The following GALNT14 variants were observed in gnomAD, a reference collection of about 807,000 sequenced individuals.
GALNT14 encodes the protein polypeptide N-acetylgalactosaminyltransferase 14, also known as UDP-GalNAc:polypeptide N-acetylgalactosaminyltransferase 14.
GALNT14 carries 60 observed loss-of-function variants against 77.5 expected under a neutral mutation model. That is an observed-to-expected ratio of 0.77 (90% CI 0.63 to 0.96). GALNT14 has a LOEUF of 0.96. Among genes scored for constraint, GALNT14 ranks in the 40% least tolerant of loss-of-function variants. The probability of loss-of-function intolerance (pLI) is 0.00; values close to 1 mark genes in which losing one functional copy is unlikely to be tolerated. For synonymous variants in GALNT14, 280 were observed against 281.7 expected (o/e 0.99, Z 0.06); for missense variants, 710 against 731.0 (o/e 0.97, Z 0.33).
At chr2:31,031,704 A>G (rs1672424994) in intron 1 of GALNT14, among the ~76,000 whole-genome samples, 1 of 152,184 alleles carries the variant, frequency 6.6e-6, no homozygotes, top group South Asian at 2.1e-4. Flanking sequence ...AAGAGCCTTT[A>G]AGTGCTCTGC....
At chr2:31,105,436 G>A (rs997303966) in intron 1 of GALNT14, among the ~76,000 whole-genome samples, 3 of 152,112 alleles carry the variant, frequency 2.0e-5, no homozygotes, top group Non-Finnish European at 2.9e-5. Flanking sequence ...GTAACTTGCA[G>A]TGTAGGGCAC....
At chr2:31,058,508 T>A (rs570747870) in intron 1 of GALNT14, among the ~76,000 whole-genome samples, 1 of 152,194 alleles carries the variant, frequency 6.6e-6, no homozygotes, top group East Asian at 1.9e-4. Flanking sequence ...GGTCTTTGGG[T>A]GGACTAAGGA....
intron 1 of GALNT14, among the ~76,000 whole-genome samples, chr2:30,995,659 A>AT (rs1669985961): frequency 1.3e-5 from 2 of 151,918 alleles, no homozygotes; most frequent in South Asian, 4.2e-4. Flanking sequence ...TGCCCAGCTC[A>AT]TTTTTTTACG....
chr2:30,902,823 A>G, the GALNT14 span, among the ~76,000 whole-genome samples: 1 of 152,188 alleles, frequency 6.6e-6, no homozygotes, highest in Non-Finnish European at 1.5e-5. Context: ...TGAGGGCGAC[A>G]GAGGACAGAT....
chr2:30,989,370 C>CTGG (rs1052857854), intron 2 of GALNT14, among the ~76,000 whole-genome samples: 2 of 151,608 alleles, frequency 1.3e-5, no homozygotes, highest in Admixed American at 6.6e-5. Flanking sequence ...ATGCTCTTTC[C>CTGG]TGGTACTTGG....
chr2:31,009,022 A>T (rs1670853068), intron 1 of GALNT14, among the ~76,000 whole-genome samples: 1 of 152,162 alleles, frequency 6.6e-6, no homozygotes, highest in African/African-American at 2.4e-5. Flanking sequence ...AACAAAATCA[A>T]TGCCCCGGGC....
chr2:31,056,012 G>A (rs1159243718), intron 1 of GALNT14, among the ~76,000 whole-genome samples: 2 of 152,148 alleles, frequency 1.3e-5, no homozygotes, highest in Admixed American at 6.5e-5. Context: ...TTCAAACTTC[G>A]AGTCAAATTA....
chr2:31,123,050 C>T (rs1291623258), intron 1 of GALNT14, among the ~76,000 whole-genome samples: 2 of 151,906 alleles, frequency 1.3e-5, no homozygotes, highest in African/African-American at 4.8e-5. Context: ...GGCGGGGTGA[C>T]GGGCACCTGT....
chr2:31,030,974 GC>G (rs1487270592), intron 1 of GALNT14, among the ~76,000 whole-genome samples: 2 of 152,196 alleles, frequency 1.3e-5, no homozygotes, highest in African/African-American at 4.8e-5. Flanking sequence ...AGGCCAGAAA[GC>G]CATTAATATT....
intron 13 of GALNT14, among the ~76,000 whole-genome samples, chr2:30,917,463 G>A (rs1266703875): frequency 2.0e-5 from 3 of 152,162 alleles, no homozygotes; most frequent in African/African-American, 7.2e-5. Context: ...TCTGAACCAT[G>A]CCCTGGCATT....
chr2:30,981,102 C>G (rs1392273569), intron 2 of GALNT14, among the ~76,000 whole-genome samples: 1 of 152,244 alleles, frequency 6.6e-6, no homozygotes, highest in Non-Finnish European at 1.5e-5. Context: ...GGTTCATCCT[C>G]TCCTGTAGGA....
At chr2:30,981,830 A>C (rs1669006092) in intron 2 of GALNT14, among the ~76,000 whole-genome samples, 1 of 152,214 alleles carries the variant, frequency 6.6e-6, no homozygotes, top group Non-Finnish European at 1.5e-5. Context: ...CTCTCATGTT[A>C]CGTGGGAGGA....
intron 2 of GALNT14, among the ~76,000 whole-genome samples, chr2:30,992,461 C>T (rs1669764177): frequency 6.6e-6 from 1 of 152,188 alleles, no homozygotes; most frequent in South Asian, 2.1e-4. Flanking sequence ...AATCATCCTG[C>T]CTTCCCCTAC....
intron 1 of GALNT14, among the ~76,000 whole-genome samples, chr2:30,995,911 G>A (rs530697103): frequency 1.2e-4 from 18 of 152,350 alleles, no homozygotes; most frequent in African/African-American, 4.1e-4. Context: ...CCCAGGATCT[G>A]TGGTGCTGGA....
rs148577454 is a variant in GALNT14 at position 31,094,918 on chromosome 2, C to T, written c.129+43040G>A. 6.3e-3 allele frequency among the ~76,000 whole-genome samples: 963 copies of T among 152,236 alleles called. 11 individuals are homozygous for T. The highest frequency in any genetic ancestry group is 0.02 in the African/African-American group (836 of 41,532). ...CCTCTATCCAATGAACAGATTGGAC[C>T]AGGAGCCAGGTCACAGCCACAAGAT... On this transcript the variant is annotated intron_variant, in intron 1 of 14. Transcript: ENST00000349752.
chr2:31,057,790 C>G (rs1674332323), intron 1 of GALNT14, among the ~76,000 whole-genome samples: 1 of 152,138 alleles, frequency 6.6e-6, no homozygotes, highest in Non-Finnish European at 1.5e-5. Flanking sequence ...CTTTTCCACC[C>G]CGCCCTGAGC....
At chr2:31,060,471 G>A (rs954397726) in intron 1 of GALNT14, among the ~76,000 whole-genome samples, 1 of 152,150 alleles carries the variant, frequency 6.6e-6, no homozygotes, top group Non-Finnish European at 1.5e-5. Context: ...AGCTTAATAG[G>A]GGAAGGCAAT....
intron 1 of GALNT14, among the ~76,000 whole-genome samples, chr2:31,030,343 A>C (rs1191336443): frequency 6.6e-6 from 1 of 152,184 alleles, no homozygotes; most frequent in Non-Finnish European, 1.5e-5. Context: ...TGGATGGAAA[A>C]AAAAATCAAG....
intron 2 of GALNT14, among the ~76,000 whole-genome samples, chr2:30,981,563 C>A (rs1047215368): frequency 6.6e-6 from 1 of 151,330 alleles, no homozygotes; most frequent in African/African-American, 2.4e-5. Flanking sequence ...AAGAAATGGA[C>A]AAGGTGGCAA....
Sources: allele counts gnomAD v4.1 joint callset (sites outside exome capture counted in the v4.1 genomes callset), GRCh38; gene constraint gnomAD v4.1.1; transcripts MANE v1.5; gene names NCBI Gene and HGNC (gene_info 2026-07-23, HGNC 2026-07-21).